KAT2B: variants seen among roughly 807,000 people sequenced by gnomAD.
KAT2B encodes the protein histone acetyltransferase KAT2B.
In KAT2B, 36 loss-of-function variants were observed where a neutral mutation model predicts 105.9. The ratio of observed to expected loss-of-function variants is 0.34; its 90% confidence interval spans 0.26 to 0.45. The LOEUF (loss-of-function observed/expected upper bound fraction) is 0.45, where lower values mean the gene tolerates loss of function less well. Among genes scored for constraint, KAT2B ranks in the 20% least tolerant of loss-of-function variants. The pLI, the probability that KAT2B is intolerant of heterozygous loss-of-function variation, is 1.00. For missense variants in KAT2B, 820 were observed against 1,021.6 expected (o/e 0.80, Z 2.69); for synonymous variants, 397 against 377.9 (o/e 1.05, Z -0.59).
chr3:20,118,702 G>A (rs1265459177), intron 7 of KAT2B, among the ~76,000 whole-genome samples: 1 of 137,424 alleles, frequency 7.3e-6, no homozygotes, highest in Non-Finnish European at 1.5e-5. Flanking sequence ...CTCCAGCCTG[G>A]GCGACAAAAG....
At chr3:20,141,862 A>G (rs1459653301) in intron 13 of KAT2B, among the ~76,000 whole-genome samples, 1 of 150,024 alleles carries the variant, frequency 6.7e-6, no homozygotes, top group East Asian at 2.0e-4. Flanking sequence ...AGAGAATTCC[A>G]AGTAGGCACT....
chr3:20,077,612 T>C (rs1698441881), intron 2 of KAT2B, among the ~76,000 whole-genome samples: 1 of 152,218 alleles, frequency 6.6e-6, no homozygotes, highest in Non-Finnish European at 1.5e-5. Flanking sequence ...GATTATATGT[T>C]GAAATGATAA....
intron 1 of KAT2B, among the ~76,000 whole-genome samples, chr3:20,062,368 TTATAA>T (rs1481796886): frequency 2.6e-5 from 3 of 113,294 alleles, no homozygotes; most frequent in African/African-American, 9.5e-5. Context: ...TATATATAAT[TTATAA>T]TATATTATAT....
At chr3:20,093,337 C>G (rs1368910566) in intron 2 of KAT2B, among the ~76,000 whole-genome samples, 1 of 152,024 alleles carries the variant, frequency 6.6e-6, no homozygotes, top group Non-Finnish European at 1.5e-5. Flanking sequence ...CAGAGTTATT[C>G]CATCTGAAGA....
chr3:20,069,329 CA>C (rs1242942032), intron 1 of KAT2B, among the ~76,000 whole-genome samples: 1 of 151,996 alleles, frequency 6.6e-6, no homozygotes, highest in Non-Finnish European at 1.5e-5. Flanking sequence ...AATGGTAGAT[CA>C]GGGCTGGTTT....
intron 17 of KAT2B, among the ~76,000 whole-genome samples, chr3:20,150,028 T>C (rs1392870819): frequency 6.6e-6 from 1 of 152,222 alleles, no homozygotes; most frequent in Non-Finnish European, 1.5e-5. Flanking sequence ...CATAGCCTAC[T>C]TGCAGCCTGC....
At chr3:20,052,032 A>G (rs1248539392) in intron 1 of KAT2B, among the ~76,000 whole-genome samples, 1 of 152,224 alleles carries the variant, frequency 6.6e-6, no homozygotes, top group Non-Finnish European at 1.5e-5. Context: ...CAAGTCTTTT[A>G]TAATTTTGAA....
intron 13 of KAT2B, among the ~76,000 whole-genome samples, chr3:20,141,548 G>A (rs566700155): frequency 3.9e-5 from 6 of 152,224 alleles, no homozygotes; most frequent in African/African-American, 9.6e-5. Context: ...TATTCGTTTA[G>A]TGCACTTTTC....
rs1248296346 is a variant in KAT2B at position 20,062,165 on chromosome 3, AAT to A, written c.304-10160_304-10159del. 9.5e-4 allele frequency among the ~76,000 whole-genome samples: 74 copies of A among 77,566 alleles called. 2 individuals are homozygous for A. The highest frequency in any genetic ancestry group is 2.3e-3 in the African/African-American group (43 of 18,322). 50.9% of individuals were successfully genotyped at this position (77,566 alleles called of 152,430 possible). A position where few individuals can be genotyped will look rare whatever the true frequency, so the allele number is the denominator to read the frequency against. On this transcript the variant is annotated intron_variant, in intron 1 of 17. Transcript: ENST00000263754. ...TAATATATAAAAATATATAATATATAATATATATAATATATAATATATAAAAT... is the reference window on the plus strand; with the variant it reads ...TAATATATAAAAATATATAATATATAATATATAATATATAATATATAAAAT...
chr3:20,077,535 C>T (rs1698440493), intron 2 of KAT2B, among the ~76,000 whole-genome samples: 1 of 152,166 alleles, frequency 6.6e-6, no homozygotes, highest in African/African-American at 2.4e-5. Flanking sequence ...GTGTAAAATA[C>T]ACACAGTTTT....
At position 20,151,355 on chromosome 3, in the gene KAT2B, G is replaced by A. The variant is rs185973596; in HGVS notation, c.2306-977G>A. ...ACATTTACTTACCTTATTAAATGAT[G>A]ATCCCAATGTATTTGGTTATAGGTT... On this transcript the variant is annotated intron_variant, in intron 17 of 17. Transcript: ENST00000263754. 3.4e-3 allele frequency among the ~76,000 whole-genome samples: 521 copies of A among 152,146 alleles called. 2 individuals carry two copies. The highest frequency in any genetic ancestry group is 0.012 in the African/African-American group (498 of 41,522).
intron 11 of KAT2B, among the ~76,000 whole-genome samples, chr3:20,128,217 A>G (rs921945168): frequency 1.3e-5 from 2 of 152,222 alleles, no homozygotes; most frequent in African/African-American, 2.4e-5. Flanking sequence ...CTCAGTGTTC[A>G]TTGTTAATTT....
intron 3 of KAT2B, among the ~76,000 whole-genome samples, chr3:20,098,614 A>G (rs1369911367): frequency 6.6e-6 from 1 of 152,164 alleles, no homozygotes; most frequent in African/African-American, 2.4e-5. Flanking sequence ...TTTACCTCCA[A>G]ATTGAAACCC....
chr3:20,040,577 C>T lies in KAT2B; in HGVS notation c.100C>T (p.Pro34Ser). Residue 34 changes from proline to serine, a missense_variant, in exon 1 of 18, where the codon CCC (proline) becomes TCC (serine). By Grantham distance (74) the Pro-to-Ser change is moderately conservative. Around this residue, in one of 6 missense-constraint regions of KAT2B, gnomAD observed 190 missense variants for 176.7 expected, o/e 1.08. Coordinates refer to ENST00000263754, the MANE Select transcript of KAT2B (RefSeq NM_003884.5). ...ALPPQPAALP[P>S]APPQGSPCAA... ...GCCCCCGCAGCCTGCGGCGCTTCCG[C>T]CCGCGCCCCCGCAGGGCTCCCCCTG... 1 of 1,151,324 alleles carries T rather than the reference C, an allele frequency of 8.7e-7. No homozygotes were observed. The highest frequency in any genetic ancestry group is 4.8e-5 in the Admixed American group (1 of 20,786). The allele number at this position is 1,151,324 out of a possible 1,614,324, so 71.3% of individuals were successfully genotyped here. A position where few individuals can be genotyped will look rare whatever the true frequency, so the allele number is the denominator to read the frequency against.
intron 10 of KAT2B, among the ~76,000 whole-genome samples, chr3:20,126,676 G>A (rs567631565): frequency 6.6e-6 from 1 of 151,982 alleles, no homozygotes; most frequent in African/African-American, 2.4e-5. Flanking sequence ...TACAAAATTA[G>A]CCAGGCCTGG....
At chr3:20,055,127 CG>C (rs1697984114) in intron 1 of KAT2B, among the ~76,000 whole-genome samples, 1 of 151,942 alleles carries the variant, frequency 6.6e-6, no homozygotes, top group South Asian at 2.1e-4. Context: ...GTGAGCCAGA[CG>C]TGAGAGTAGT....
At chr3:20,100,512 C>G (rs1698891857) in intron 4 of KAT2B, among the ~76,000 whole-genome samples, 1 of 152,158 alleles carries the variant, frequency 6.6e-6, no homozygotes, top group Non-Finnish European at 1.5e-5. Flanking sequence ...TCATTAGCAT[C>G]ACTTTTTTAG....
At chr3:20,114,834 C>A in intron 6 of KAT2B, 48 bp from the exon 7 acceptor site, 1 of 1,042,258 alleles carries the variant, frequency 9.6e-7, no homozygotes, top group African/African-American at 1.6e-5. Context: ...GGCTGTTATC[C>A]TTACAGTAGT....
chr3:20,070,316 T>TC (rs1698298824), intron 1 of KAT2B, among the ~76,000 whole-genome samples: 3 of 130,516 alleles, frequency 2.3e-5, no homozygotes, highest in African/African-American at 9.2e-5. Context: ...TTTCTTTTTT[T>TC]TTTTTTTGAG....
Sources: gnomAD v4.1 joint callset for allele counts (sites outside exome capture counted in the v4.1 genomes callset) on GRCh38, gnomAD v4.1.1 for gene constraint, gnomAD v4.1.1 regional missense constraint, MANE v1.5 for transcripts, NCBI Gene and HGNC (gene_info 2026-07-23, HGNC 2026-07-21) for gene names.